WDR49: variants seen among roughly 807,000 people sequenced by gnomAD.
WDR49 encodes WD repeat domain 49, also known as cilia- and flagella-associated protein 337.
In WDR49, 107 loss-of-function variants were observed where a neutral mutation model predicts 119.5. That is an observed-to-expected ratio of 0.90 (90% CI 0.77 to 1.05). The LOEUF (loss-of-function observed/expected upper bound fraction) is 1.05, where lower values mean the gene tolerates loss of function less well. Among genes scored for constraint, WDR49 ranks in the 50% least tolerant of loss-of-function variants. The probability of loss-of-function intolerance (pLI) is 0.00; values close to 1 mark genes in which losing one functional copy is unlikely to be tolerated. For missense variants in WDR49, 1,240 were observed against 1,220.5 expected, an observed-to-expected ratio of 1.02 and a Z score of -0.24; for synonymous variants, 425 against 418.8, an observed-to-expected ratio of 1.01 and a Z score of -0.18.
At chr3:167,602,349 G>T in intron 6 of WDR49, 74 bp from the exon 7 acceptor site, 1 of 1,320,366 alleles carries the variant, frequency 7.6e-7, no homozygotes, top group African/African-American at 1.5e-5. Flanking sequence ...TGTGAAATGA[G>T]TTTACCATAT....
chr3:167,542,707 A>T (rs974272720), intron 10 of WDR49, among the ~76,000 whole-genome samples: 1 of 152,094 alleles, frequency 6.6e-6, no homozygotes, highest in Admixed American at 6.6e-5. Context: ...CAAATAGACA[A>T]TATAAAGTCA....
intron 7 of WDR49, among the ~76,000 whole-genome samples, chr3:167,578,541 T>C (rs1213111020): frequency 6.6e-6 from 1 of 152,110 alleles, no homozygotes; most frequent in African/African-American, 2.4e-5. Context: ...TTTTCTCCCT[T>C]TCTCCTCCCA....
At chr3:167,629,086 T>C (rs1717253719) in intron 2 of WDR49, among the ~76,000 whole-genome samples, 1 of 152,006 alleles carries the variant, frequency 6.6e-6, no homozygotes, top group Non-Finnish European at 1.5e-5. Context: ...TGAGACTCCA[T>C]CTCTACAAAA....
intron 18 of WDR49, among the ~76,000 whole-genome samples, chr3:167,495,549 G>A (rs1483348113): frequency 6.8e-6 from 1 of 147,382 alleles, no homozygotes; most frequent in Non-Finnish European, 1.5e-5. Context: ...AAAAACATTT[G>A]TGATATAATT....
chr3:167,505,347 T>C lies in WDR49; in HGVS notation c.2844A>G (p.Thr948=). 5 of 1,538,318 alleles carry C rather than the reference T, an allele frequency of 3.3e-6. No homozygotes were observed. The highest frequency in any genetic ancestry group is 4.3e-6 in the Non-Finnish European group (5 of 1,150,724). ...TAACTTCACCATAATAAGGTTTTTG[T>C]GTTTCTTTCATGCAGGTACTTCTTT... ...YKERSTCMKE[T]QKPYYGEVIK... Residue 948 remains threonine (T), a synonymous_variant, in exon 17 of 19, where the codon ACA becomes ACG. Coordinates refer to ENST00000682715, the MANE Select transcript of WDR49 (RefSeq NM_001366157.1).
rs144155123 is a variant in WDR49 at position 167,563,961 on chromosome 3, T to A, written c.1510-3733A>T. Among the ~76,000 whole-genome samples the A allele has an allele frequency of 5.0e-3, 756 of 152,354 alleles. 8 individuals carry two copies. Among genetic ancestry groups the A allele is most frequent in the African/African-American group, 0.018 (731 of 41,588 alleles). On this transcript the variant is annotated intron_variant, in intron 8 of 18. Coordinates refer to ENST00000682715, the MANE Select transcript of WDR49 (RefSeq NM_001366157.1). ...CCCTAACAGAAATAAAAGAGCCATG[T>A]TCAAAGAAAAGACTTGATTACCTGT...
At chr3:167,496,815 A>G (rs537938818) in intron 18 of WDR49, among the ~76,000 whole-genome samples, 1 of 152,306 alleles carries the variant, frequency 6.6e-6, no homozygotes, top group South Asian at 2.1e-4. Context: ...CACAGAGTGT[A>G]TATACAATCT....
At chr3:167,534,893 T>C (rs1038507388) in intron 11 of WDR49, among the ~76,000 whole-genome samples, 1 of 152,188 alleles carries the variant, frequency 6.6e-6, no homozygotes, top group African/African-American at 2.4e-5. Flanking sequence ...AGAGTTACTA[T>C]GTTCACATTA....
At chr3:167,482,323 C>T (rs1002556092) in intron 18 of WDR49, among the ~76,000 whole-genome samples, 1 of 151,948 alleles carries the variant, frequency 6.6e-6, no homozygotes, top group Admixed American at 6.6e-5. Context: ...TGTCAATATG[C>T]AAGAAATTTA....
chr3:167,494,366 A>G (rs369001567), intron 18 of WDR49, among the ~76,000 whole-genome samples: 3 of 152,196 alleles, frequency 2.0e-5, no homozygotes, highest in African/African-American at 4.8e-5. Context: ...CTAAAATGCA[A>G]ATCTGGTCAT....
In WDR49 at chr3:167,532,952, T is replaced by C. The variant is rs570744838; in HGVS notation, c.1980A>G (p.Leu660=). 6.2e-7 allele frequency: 1 copy of C among 1,607,326 alleles called. No homozygotes were observed. The highest frequency in any genetic ancestry group is 1.3e-5 in the African/African-American group (1 of 74,916). ...VTGSYDGEIV[L]WNNSTENAHH... is the part of the protein sequence containing the mutation. ...GAGCATTCTCTGTGCTATTGTTCCA[T>C]AGAACAATTTCTCCATCATAACTCC... The change falls in exon 12 of 19, where the codon CTA becomes CTG. Residue 660 remains leucine (L), a synonymous_variant. Coordinates refer to ENST00000682715, the MANE Select transcript of WDR49 (RefSeq NM_001366157.1).
chr3:167,543,069 C>T (rs1300977250), intron 10 of WDR49, among the ~76,000 whole-genome samples: 2 of 151,728 alleles, frequency 1.3e-5, no homozygotes, highest in East Asian at 3.9e-4. Context: ...TCTGGAAATA[C>T]ACAATGCCCC....
chr3:167,556,812 G>T (rs558388492), intron 9 of WDR49, among the ~76,000 whole-genome samples: 101 of 152,226 alleles, frequency 6.6e-4, no homozygotes, highest in Non-Finnish European at 9.9e-4. Context: ...GGATCACAAG[G>T]TCAGGAGTTT....
intron 2 of WDR49, among the ~76,000 whole-genome samples, chr3:167,632,878 A>G (rs138820706): frequency 6.6e-6 from 1 of 152,138 alleles, no homozygotes; most frequent in South Asian, 2.1e-4. Context: ...GGCACCTCTA[A>G]ATAGGAATAA....
chr3:167,595,824 C>G (rs1323447585), intron 7 of WDR49, among the ~76,000 whole-genome samples: 8 of 151,612 alleles, frequency 5.3e-5, no homozygotes, highest in Non-Finnish European at 8.8e-5. Flanking sequence ...GACTTCATGT[C>G]TAAAACACCA....
At chr3:167,626,725 T>C in intron 3 of WDR49, 127 bp downstream of exon 3, 1 of 687,412 alleles carries the variant, frequency 1.5e-6, no homozygotes, top group Non-Finnish European at 2.0e-6. Context: ...GCACTACCTG[T>C]TCTCCCTCCA....
At chr3:167,628,841 T>C (rs1717243980) in intron 2 of WDR49, among the ~76,000 whole-genome samples, 1 of 152,170 alleles carries the variant, frequency 6.6e-6, no homozygotes, top group South Asian at 2.1e-4. Flanking sequence ...GAAAAAGTCA[T>C]GCCTGGCTTC....
chr3:167,502,615 G>C (rs1212567925), intron 17 of WDR49, among the ~76,000 whole-genome samples: 1 of 152,130 alleles, frequency 6.6e-6, no homozygotes, highest in Admixed American at 6.6e-5. Context: ...TGGAGCAAAG[G>C]TCACCCATAT....
intron 17 of WDR49, among the ~76,000 whole-genome samples, chr3:167,503,510 G>A (rs915070479): frequency 5.9e-5 from 9 of 152,326 alleles, no homozygotes; most frequent in African/African-American, 1.4e-4. Flanking sequence ...ATTAGAAGCC[G>A]TGGGTCATGG....
Sources: gnomAD v4.1 joint callset for allele counts (sites outside exome capture counted in the v4.1 genomes callset) on GRCh38, gnomAD v4.1.1 for gene constraint, MANE v1.5 for transcripts, NCBI Gene and HGNC (gene_info 2026-07-23, HGNC 2026-07-21) for gene names.